The following KCNQ5 variants were observed in gnomAD, a reference collection of about 807,000 sequenced individuals.
KCNQ5 encodes the protein potassium voltage-gated channel subfamily Q member 5.
Under a neutral mutation model 98.2 loss-of-function variants are expected in KCNQ5, and 30 were observed. The ratio of observed to expected loss-of-function variants is 0.31; its 90% CI spans 0.23 to 0.41. The LOEUF (loss-of-function observed/expected upper bound fraction) is 0.41, where lower values mean the gene tolerates loss of function less well. KCNQ5 is among the 10% of genes least tolerant of loss of function. The probability of loss-of-function intolerance (pLI) is 1.00; values close to 1 mark genes in which losing one functional copy is unlikely to be tolerated. For missense variants in KCNQ5, 835 were observed against 1,182.5 expected (o/e 0.71, Z 4.31); for synonymous variants, 458 against 449.4 (o/e 1.02, Z -0.24).
At position 73,100,429 on chromosome 6, in the gene KCNQ5, G is replaced by A. The variant is rs142192879; in HGVS notation, c.919-4828G>A. ...CGCCTGTAATCCCAGCACTTTGGGA[G>A]GCTGAGGCAGGCGGATCATGAGGTC... On this transcript the variant is annotated intron_variant, in intron 5 of 13. Coordinates refer to ENST00000370398, the MANE Select transcript of KCNQ5 (RefSeq NM_019842.4). Among the ~76,000 whole-genome samples the A allele has an allele frequency of 8.4e-3, 1,276 of 152,270 alleles. 20 individuals carry two copies. The highest frequency in any genetic ancestry group is 0.029 in the African/African-American group (1,223 of 41,572).
At chr6:72,693,647 G>A (rs1317602418) in intron 1 of KCNQ5, among the ~76,000 whole-genome samples, 1 of 152,120 alleles carries the variant, frequency 6.6e-6, no homozygotes, top group Non-Finnish European at 1.5e-5. Flanking sequence ...TGTTTAAATT[G>A]TACCACCATA....
chr6:72,735,802 ATC>A, intron 1 of KCNQ5, among the ~76,000 whole-genome samples: 1 of 152,174 alleles, frequency 6.6e-6, no homozygotes, highest in African/African-American at 2.4e-5. Flanking sequence ...AGAAGCTTTC[ATC>A]TCTCTTCTAA....
intron 3 of KCNQ5, among the ~76,000 whole-genome samples, chr6:73,052,597 A>C (rs1772294931): frequency 6.6e-6 from 1 of 152,250 alleles, no homozygotes; most frequent in Non-Finnish European, 1.5e-5. Flanking sequence ...GCATTATTAA[A>C]GAAAAGAAAT....
intron 2 of KCNQ5, among the ~76,000 whole-genome samples, chr6:73,039,914 G>A (rs1771612764): frequency 6.6e-6 from 1 of 152,000 alleles, no homozygotes; most frequent in Admixed American, 6.6e-5. Flanking sequence ...AGGATAAGGT[G>A]GGTTGATGAA....
chr6:72,827,251 T>C (rs547717861), intron 1 of KCNQ5, among the ~76,000 whole-genome samples: 2 of 152,254 alleles, frequency 1.3e-5, no homozygotes, highest in African/African-American at 2.4e-5. Flanking sequence ...AGTAGTGGCA[T>C]TGCTGGATTA....
chr6:73,161,193 G>A (rs933120114), intron 10 of KCNQ5, among the ~76,000 whole-genome samples: 1 of 152,220 alleles, frequency 6.6e-6, no homozygotes, highest in Non-Finnish European at 1.5e-5. Flanking sequence ...TATGTTAAGT[G>A]AAATGGGCCA....
At chr6:73,014,475 A>G (rs1328835887) in intron 2 of KCNQ5, among the ~76,000 whole-genome samples, 1 of 152,074 alleles carries the variant, frequency 6.6e-6, no homozygotes. Flanking sequence ...ACTCCAAACT[A>G]CAAATGGATC....
In KCNQ5 at chr6:72,779,250, G is replaced by A. The variant is rs530731324; in HGVS notation, c.398+156663G>A. The stretch of plus-strand genomic sequence containing the variant: ...GGGCATTATGAGGCAGAGTCCTGGA[G>A]GAAGAAGGAGAGGCCCAGGCCAGGG... On this transcript the variant is annotated intron_variant, in intron 1 of 13. Coordinates refer to ENST00000370398, the MANE Select transcript of KCNQ5 (RefSeq NM_019842.4). Among the ~76,000 whole-genome samples, 9 of 152,318 alleles carry A rather than the reference G, an allele frequency of 5.9e-5. No homozygotes were observed. The South Asian group carries it at 1.9e-3, about 32-fold the overall frequency.
At chr6:72,849,421 TC>T (rs1582406291) in intron 1 of KCNQ5, among the ~76,000 whole-genome samples, 3 of 152,158 alleles carry the variant, frequency 2.0e-5, no homozygotes, top group African/African-American at 7.2e-5. Flanking sequence ...ATGTAAGCAT[TC>T]CCTTTTCTCT....
chr6:73,165,059 C>T (rs558416705), intron 10 of KCNQ5, among the ~76,000 whole-genome samples: 62 of 152,022 alleles, frequency 4.1e-4, no homozygotes, highest in Middle Eastern at 3.4e-3. Flanking sequence ...GCTAACTGTA[C>T]CGTTGAACTC....
intron 1 of KCNQ5, among the ~76,000 whole-genome samples, chr6:72,640,143 A>G (rs537893281): frequency 8.5e-5 from 13 of 152,250 alleles, no homozygotes; most frequent in African/African-American, 2.4e-4. Flanking sequence ...TAAAAAGCAG[A>G]TGGAGCCCTA....
intron 1 of KCNQ5, among the ~76,000 whole-genome samples, chr6:72,668,998 A>T (rs899037850): frequency 2.6e-5 from 4 of 152,074 alleles, no homozygotes. Context: ...AGGGACACAC[A>T]CATTTAGTCT....
intron 11 of KCNQ5, among the ~76,000 whole-genome samples, chr6:73,189,766 G>T (rs566412952): frequency 6.6e-6 from 1 of 152,318 alleles, no homozygotes; most frequent in Non-Finnish European, 1.5e-5. Context: ...TGGCATCATG[G>T]AATTTGTTGA....
chr6:72,879,538 T>C (rs2150171290), intron 1 of KCNQ5, among the ~76,000 whole-genome samples: 1 of 152,326 alleles, frequency 6.6e-6, no homozygotes, highest in Middle Eastern at 3.4e-3. Context: ...CATCTTCTCT[T>C]AGACACTTTA....
intron 1 of KCNQ5, among the ~76,000 whole-genome samples, chr6:72,979,809 G>T (rs978460196): frequency 3.3e-5 from 5 of 152,176 alleles, no homozygotes; most frequent in Admixed American, 6.5e-5. Flanking sequence ...ATGGTTTTAG[G>T]TCTAACATTT....
intron 1 of KCNQ5, among the ~76,000 whole-genome samples, chr6:72,858,293 G>A (rs1219573154): frequency 6.6e-6 from 1 of 151,922 alleles, no homozygotes; most frequent in Non-Finnish European, 1.5e-5. Flanking sequence ...TATATGTGTG[G>A]CATGTCTCTA....
chr6:72,997,206 C>T (rs1769345000), intron 1 of KCNQ5, among the ~76,000 whole-genome samples: 1 of 152,100 alleles, frequency 6.6e-6, no homozygotes. Context: ...ATCAGAAATC[C>T]TTCTGGCCAC....
In KCNQ5 at chr6:73,157,612, A is replaced by G. The variant is rs557630829; in HGVS notation, c.1469-12134A>G. ...GGAGGGCGGCGGCAACGGTAGTGGC[A>G]GCTGGGTAGGTGAACGCAGCATGGG... is the stretch of plus-strand genomic sequence containing the variant. On this transcript the variant is annotated intron_variant, in intron 10 of 13. Transcript: ENST00000370398. The G allele has an allele frequency of 3.5e-5, 27 of 772,462 alleles. 1 individual carries two copies. The highest frequency in any genetic ancestry group is 2.3e-4 in the Middle Eastern group (1 of 4,348). The allele number at this position is 772,462 out of a possible 1,614,324, so 47.9% of individuals were successfully genotyped here.
At chr6:73,017,288 A>G (rs1425094421) in intron 2 of KCNQ5, among the ~76,000 whole-genome samples, 2 of 152,148 alleles carry the variant, frequency 1.3e-5, no homozygotes, top group Non-Finnish European at 1.5e-5. Flanking sequence ...AAATAGGTTA[A>G]TTCATCATTT....
Sources: allele counts gnomAD v4.1 joint callset (sites outside exome capture counted in the v4.1 genomes callset), GRCh38; gene constraint gnomAD v4.1.1; transcripts MANE v1.5; gene names NCBI Gene and HGNC (gene_info 2026-07-23, HGNC 2026-07-21).